RBM25: variants seen among roughly 807,000 people sequenced by gnomAD.
The protein encoded by RBM25 is RNA-binding protein 25.
In RBM25, 19 loss-of-function variants were observed where a neutral mutation model predicts 120.7. The observed-to-expected ratio is 0.16, with a 90% CI of 0.11 to 0.23. The LOEUF (loss-of-function observed/expected upper bound fraction) is 0.23. Among genes scored for constraint, RBM25 ranks in the 10% least tolerant of loss-of-function variants. The pLI is 1.00. For synonymous variants in RBM25, 390 were observed against 326.7 expected, an observed-to-expected ratio of 1.19 and a Z score of -2.09; for missense variants, 605 against 1,041.5, an observed-to-expected ratio of 0.58 and a Z score of 5.77.
chr14:73,061,936 C>T (rs1258673555), intron 1 of RBM25, among the ~76,000 whole-genome samples: 1 of 151,310 alleles, frequency 6.6e-6, no homozygotes, highest in Non-Finnish European at 1.5e-5. Context: ...TATTCACAGG[C>T]GTAATCCCAC....
At chr14:73,076,637 C>A (rs1476286978) in intron 3 of RBM25, among the ~76,000 whole-genome samples, 1 of 152,120 alleles carries the variant, frequency 6.6e-6, no homozygotes, top group Non-Finnish European at 1.5e-5. Flanking sequence ...CTTGTTATTA[C>A]AAATTTAGGA....
intron 18 of RBM25, among the ~76,000 whole-genome samples, chr14:73,116,841 G>C (rs996919256): frequency 6.6e-6 from 1 of 152,086 alleles, no homozygotes; most frequent in Non-Finnish European, 1.5e-5. Flanking sequence ...TCGTTGATTA[G>C]AATGAGAGGA....
chr14:73,086,917 C>G (rs1277718576), intron 5 of RBM25, among the ~76,000 whole-genome samples: 1 of 152,138 alleles, frequency 6.6e-6, no homozygotes. Context: ...GTTGGCCAGG[C>G]TGGTCTGGAA....
intron 1 of RBM25, among the ~76,000 whole-genome samples, chr14:73,061,975 C>T (rs1895015913): frequency 6.6e-6 from 1 of 151,290 alleles, no homozygotes; most frequent in Admixed American, 6.6e-5. Context: ...TTTTGCCCTT[C>T]TCTGTTGGCA....
chr14:73,116,515 G>C (rs1896430910), intron 18 of RBM25, among the ~76,000 whole-genome samples: 1 of 152,154 alleles, frequency 6.6e-6, no homozygotes, highest in African/African-American at 2.4e-5. Context: ...CTGTCATTTA[G>C]AACACCTGAT....
intron 13 of RBM25, among the ~76,000 whole-genome samples, chr14:73,108,378 A>C (rs1328313338): frequency 6.6e-6 from 1 of 152,184 alleles, no homozygotes; most frequent in Non-Finnish European, 1.5e-5. Flanking sequence ...AGCAAGTTAC[A>C]ACGAATCTCT....
At chr14:73,091,590 G>A (rs1374734145) in intron 6 of RBM25, among the ~76,000 whole-genome samples, 6 of 152,072 alleles carry the variant, frequency 3.9e-5, no homozygotes, top group Non-Finnish European at 5.9e-5. Context: ...AGCAATATGT[G>A]TCTGGATGTG....
At chr14:73,104,921 T>C (rs747551446) in intron 10 of RBM25, among the ~76,000 whole-genome samples, 4 of 152,128 alleles carry the variant, frequency 2.6e-5, no homozygotes, top group Admixed American at 6.5e-5. Context: ...ATTAAAATTA[T>C]TTCATTCTGT....
At chr14:73,106,402 TTTAA>T in intron 12 of RBM25, 117 bp downstream of exon 12, 1 of 833,224 alleles carries the variant, frequency 1.2e-6, no homozygotes, top group South Asian at 3.8e-5. Context: ...TCATGTATAA[TTTAA>T]TTTTTATGTA....
At position 73,105,877 on chromosome 14, in the gene RBM25, T is replaced by G; in HGVS notation, c.1173T>G (p.Arg391=). ...RSRSREKSRD[R]ERERERERER... The stretch of plus-strand genomic sequence containing the variant: ...ACATTAGAGAAAAAAGCAGAGATCG[T>G]GAAAGGGAACGAGAGCGGGAAAGAG... The change falls in exon 11 of 19, where the codon CGT becomes CGG. Residue 391 remains arginine (R), a synonymous_variant. Transcript: ENST00000261973. 1 of 1,607,376 alleles carries G rather than the reference T, an allele frequency of 6.2e-7. No individual in the cohort carries two copies. The highest frequency in any genetic ancestry group is 8.5e-7 in the Non-Finnish European group (1 of 1,177,748).
intron 6 of RBM25, among the ~76,000 whole-genome samples, chr14:73,091,401 A>G (rs1245747844): frequency 6.6e-6 from 1 of 152,020 alleles, no homozygotes; most frequent in Non-Finnish European, 1.5e-5. Flanking sequence ...TTTTGTTGAG[A>G]TGAAGTTTCA....
intron 6 of RBM25, among the ~76,000 whole-genome samples, chr14:73,093,619 G>A (rs1004776904): frequency 3.3e-5 from 5 of 152,004 alleles, no homozygotes; most frequent in African/African-American, 1.2e-4. Context: ...CGATTCTCCT[G>A]CCTCAACCTC....
At chr14:73,075,985 C>T (rs1391350943) in intron 2 of RBM25, among the ~76,000 whole-genome samples, 2 of 152,056 alleles carry the variant, frequency 1.3e-5, no homozygotes, top group Non-Finnish European at 2.9e-5. Context: ...CATTGTTCAC[C>T]TATAAGTCAG....
intron 6 of RBM25, chr14:73,088,408 AC>A (rs1377907886): frequency 5.0e-6 from 3 of 605,884 alleles, no homozygotes; most frequent in Non-Finnish European, 9.2e-6. Flanking sequence ...GACAAGGTTA[AC>A]TTGCCAGAGA....
intron 2 of RBM25, among the ~76,000 whole-genome samples, chr14:73,071,971 A>T (rs985392121): frequency 1.3e-5 from 2 of 151,604 alleles, no homozygotes; most frequent in African/African-American, 4.8e-5. Context: ...GAAAGTTTTT[A>T]AAAAATTCTT....
At chr14:73,082,750 G>A (rs974898641) in intron 4 of RBM25, among the ~76,000 whole-genome samples, 2 of 151,908 alleles carry the variant, frequency 1.3e-5, no homozygotes, top group South Asian at 2.1e-4. Flanking sequence ...TTTGCATACC[G>A]TATCAAGCGT....
chr14:73,118,153 T>C (rs1348966202), intron 18 of RBM25, among the ~76,000 whole-genome samples: 2 of 152,202 alleles, frequency 1.3e-5, no homozygotes, highest in Non-Finnish European at 2.9e-5. Flanking sequence ...TTCACTTTAG[T>C]GTCACATACA....
intron 4 of RBM25, 108 bp downstream of exon 4, chr14:73,077,644 A>G (rs762799430): frequency 1.8e-5 from 18 of 1,017,968 alleles, no homozygotes; most frequent in Non-Finnish European, 2.4e-5. Context: ...AAAAAATTTC[A>G]GTCCTGCAGC....
In RBM25 at chr14:73,121,994, T is replaced by A. The variant is rs1896548142; in HGVS notation, c.*2189T>A. 6.6e-6 allele frequency: 1 copy of A among 152,228 alleles called. No homozygotes were observed. Among genetic ancestry groups the A allele is most frequent in the Non-Finnish European group, 1.5e-5 (1 of 68,050 alleles). 9.4% of individuals were successfully genotyped at this position (152,228 alleles called of 1,614,324 possible). A position where few individuals can be genotyped will look rare whatever the true frequency, so the allele number is the denominator to read the frequency against. ...AACTGTTAATCGCTTAATGCCAGTT[T>A]AAATCATGTTTTGTAACCAAGCTTC... On this transcript the variant is annotated 3_prime_UTR_variant, in exon 19 of 19. Transcript: ENST00000261973.
Sources: gnomAD v4.1 joint callset for allele counts (sites outside exome capture counted in the v4.1 genomes callset) on GRCh38, gnomAD v4.1.1 for gene constraint, MANE v1.5 for transcripts, NCBI Gene and HGNC (gene_info 2026-07-23, HGNC 2026-07-21) for gene names.